The following CTNNA1 variants were observed in gnomAD, a reference collection of about 807,000 sequenced individuals.
CTNNA1 encodes catenin alpha-1.
In CTNNA1, 37 loss-of-function variants were observed where a neutral mutation model predicts 98.4. That is an observed-to-expected ratio of 0.38 (90% CI 0.29 to 0.49). The LOEUF is 0.49. CTNNA1 is among the 20% of genes least tolerant of loss of function. The pLI is 0.95. For synonymous variants in CTNNA1, 404 were observed against 413.2 expected (o/e 0.98, Z 0.27); for missense variants, 761 against 1,147.2 (o/e 0.66, Z 4.86).
intron 1 of CTNNA1, among the ~76,000 whole-genome samples, chr5:138,776,514 C>G (rs1452185337): frequency 6.6e-6 from 1 of 152,240 alleles, no homozygotes; most frequent in Non-Finnish European, 1.5e-5. Context: ...TTCTATTCCA[C>G]AAAACCGCCA....
chr5:138,775,351 G>A (rs1753990363), intron 1 of CTNNA1, among the ~76,000 whole-genome samples: 1 of 152,186 alleles, frequency 6.6e-6, no homozygotes. Context: ...TTGATCAGTT[G>A]AGTGGACAAA....
intron 9 of CTNNA1, 40 bp from the exon 10 acceptor site, chr5:138,904,309 A>G: frequency 6.3e-7 from 1 of 1,587,840 alleles, no homozygotes; most frequent in Non-Finnish European, 8.6e-7. Flanking sequence ...TTAGCAGTCA[A>G]AAGAGAAAAA....
At chr5:138,904,792 TAA>T in intron 10 of CTNNA1, 1 of 169,894 alleles carries the variant, frequency 5.9e-6, no homozygotes. Flanking sequence ...CACCATCTCT[TAA>T]AAAAAAAATA....
intron 5 of CTNNA1, among the ~76,000 whole-genome samples, chr5:138,818,564 T>C (rs1201565910): frequency 1.3e-5 from 2 of 152,172 alleles, no homozygotes. Flanking sequence ...GTGTGTTGGC[T>C]CTGTGTCCAG....
chr5:138,874,049 G>T lies in CTNNA1; in HGVS notation c.1063-12163G>T. ...GTCCCAGAACAGGCGTACTGGGATA[G>T]TCCGCAGGGAGTTGGAACGTAAATG... On this transcript the variant is annotated intron_variant, in intron 7 of 17. Coordinates refer to ENST00000302763, the MANE Select transcript of CTNNA1 (RefSeq NM_001903.5). This position sits in a 1 kb window ranked among gnomAD's most constrained non-coding sequence, Gnocchi z 4.1. 6.2e-7 allele frequency: 1 copy of T among 1,613,986 alleles called. No individual in the cohort carries two copies. Among genetic ancestry groups the T allele is most frequent in the South Asian group, 1.1e-5 (1 of 91,076 alleles).
intron 7 of CTNNA1, among the ~76,000 whole-genome samples, chr5:138,864,939 G>A (rs966936491): frequency 1.3e-5 from 2 of 151,802 alleles, no homozygotes; most frequent in Non-Finnish European, 2.9e-5. Flanking sequence ...TCAGCCTCCC[G>A]AGAAGCTGGG....
chr5:138,933,442 A>G (rs958194049), intron 17 of CTNNA1, among the ~76,000 whole-genome samples: 2 of 152,132 alleles, frequency 1.3e-5, no homozygotes, highest in Non-Finnish European at 2.9e-5. Context: ...CTGCTTTGCC[A>G]TAAACATCCC....
intron 7 of CTNNA1, chr5:138,881,210 C>A (rs1043882740): frequency 2.4e-6 from 1 of 425,088 alleles, no homozygotes; most frequent in African/African-American, 2.0e-5. Context: ...AGTGTCTGTT[C>A]TGCTCTTTGT....
At chr5:138,776,360 G>A (rs1262281638) in intron 1 of CTNNA1, among the ~76,000 whole-genome samples, 2 of 152,136 alleles carry the variant, frequency 1.3e-5, no homozygotes, top group Non-Finnish European at 2.9e-5. Flanking sequence ...AGGGTTGGGG[G>A]TAAGGTCACC....
chr5:138,777,244 C>T (rs1754410021), intron 1 of CTNNA1, among the ~76,000 whole-genome samples: 1 of 152,082 alleles, frequency 6.6e-6, no homozygotes, highest in South Asian at 2.1e-4. Flanking sequence ...AGGCGCTCCC[C>T]ACATCTCAGA....
chr5:138,928,277 G>A (rs1764554978), intron 13 of CTNNA1, among the ~76,000 whole-genome samples: 1 of 152,172 alleles, frequency 6.6e-6, no homozygotes, highest in Non-Finnish European at 1.5e-5. Flanking sequence ...ATCATGAGAG[G>A]CTGGTAGTTG....
rs557474646 is a variant in CTNNA1 at position 138,774,861 on chromosome 5, G to C, written c.-2-7062G>C. On this transcript the variant is annotated intron_variant, in intron 1 of 17. Transcript: ENST00000302763. ...CCTGACCTCGTGATCCGCCCACCTCGGCCTCCCAAAGTGCTGGGATTACAG... is the reference window on the plus strand; with the variant it reads ...CCTGACCTCGTGATCCGCCCACCTCCGCCTCCCAAAGTGCTGGGATTACAG... Among the ~76,000 whole-genome samples, 4 of 152,014 alleles carry C rather than the reference G, an allele frequency of 2.6e-5. No individual in the cohort carries two copies. The East Asian group carries it at 7.7e-4, about 29-fold the overall frequency.
At chr5:138,800,103 G>A (rs952098109) in intron 3 of CTNNA1, among the ~76,000 whole-genome samples, 11 of 152,080 alleles carry the variant, frequency 7.2e-5, no homozygotes, top group South Asian at 2.1e-4. Flanking sequence ...TGCCATGTTG[G>A]CCAGGCTGGT....
chr5:138,916,759 TTTTA>T, intron 10 of CTNNA1, among the ~76,000 whole-genome samples: 1 of 148,676 alleles, frequency 6.7e-6, no homozygotes, highest in East Asian at 1.9e-4. Flanking sequence ...ATTTATTTAT[TTTTA>T]TTTATTATTT....
chr5:138,916,177 C>CAAAAAAAAAAAAAAAAAAAAA (rs56935188), intron 10 of CTNNA1, among the ~76,000 whole-genome samples: 55 of 115,112 alleles, frequency 4.8e-4, no homozygotes, highest in African/African-American at 1.9e-3. Flanking sequence ...TTAGTGGTTG[C>CAAAAAAAAAAAAAAAAAAAAA]AAAAAAAAAA....
Position 138,927,157 on chromosome 5 carries a change from G to A in CTNNA1, c.1899+1750G>A, listed in dbSNP as rs115406688. Among the ~76,000 whole-genome samples, 1,055 of 152,282 alleles carry A rather than the reference G, an allele frequency of 6.9e-3. 11 individuals carry two copies. Among genetic ancestry groups the A allele is most frequent in the African/African-American group, 0.024 (980 of 41,546 alleles). On this transcript the variant is annotated intron_variant, in intron 13 of 17. Coordinates refer to ENST00000302763, the MANE Select transcript of CTNNA1 (RefSeq NM_001903.5). ...CTGGTTCCCTGTTCCCATCCTGGGT[G>A]CCTACAGTCTCATGAGCCACAGGGC...
intron 1 of CTNNA1, among the ~76,000 whole-genome samples, chr5:138,776,991 C>T (rs1754351052): frequency 5.5e-5 from 3 of 54,962 alleles, no homozygotes; most frequent in African/African-American, 2.1e-4. Context: ...GCTGGCCTGG[C>T]GGGGGCTGAC....
intron 10 of CTNNA1, among the ~76,000 whole-genome samples, chr5:138,914,982 C>A (rs569343214): frequency 1.3e-5 from 2 of 151,980 alleles, no homozygotes; most frequent in Non-Finnish European, 2.9e-5. Context: ...CCCATCTCTA[C>A]CAAAAATACA....
chr5:138,851,752 C>A (rs1034242462), intron 7 of CTNNA1, among the ~76,000 whole-genome samples: 1 of 139,182 alleles, frequency 7.2e-6, no homozygotes, highest in Non-Finnish European at 1.5e-5. Flanking sequence ...AGTATGACTT[C>A]GTCTCAAAAT....
Sources: allele counts gnomAD v4.1 joint callset (sites outside exome capture counted in the v4.1 genomes callset), GRCh38; gene constraint gnomAD v4.1.1; non-coding constraint Gnocchi (gnomAD v3.1); transcripts MANE v1.5; gene names NCBI Gene and HGNC (gene_info 2026-07-23, HGNC 2026-07-21).